The following SNX13 variants were observed in gnomAD, a reference collection of about 807,000 sequenced individuals.
SNX13 encodes sorting nexin 13, also known as sorting nexin-13.
In SNX13, 45 loss-of-function variants were observed where a neutral mutation model predicts 133.6. The ratio of observed to expected loss-of-function variants is 0.34; its 90% confidence interval spans 0.27 to 0.43. The LOEUF is 0.43. SNX13 is among the 20% of genes least tolerant of loss of function. The pLI is 1.00. For missense variants in SNX13, 1,032 were observed against 1,145.1 expected (o/e 0.90, Z 1.43); for synonymous variants, 414 against 373.9 (o/e 1.11, Z -1.24).
intron 16 of SNX13, among the ~76,000 whole-genome samples, chr7:17,827,950 T>G (rs1788089103): frequency 6.6e-6 from 1 of 151,754 alleles, no homozygotes; most frequent in Non-Finnish European, 1.5e-5. Flanking sequence ...ACAGGTAACA[T>G]AAAATAATCT....
chr7:17,847,222 C>G (rs145279825), intron 11 of SNX13, among the ~76,000 whole-genome samples: 137 of 124,730 alleles, frequency 1.1e-3, no homozygotes, highest in African/African-American at 5.1e-3. Flanking sequence ...ATAAAGTTAA[C>G]CAAAACAAAG....
chr7:17,901,395 CCTT>C (rs1583692661), intron 1 of SNX13, among the ~76,000 whole-genome samples: 1 of 152,138 alleles, frequency 6.6e-6, no homozygotes, highest in Non-Finnish European at 1.5e-5. Flanking sequence ...GAATTGCACT[CCTT>C]GTGGCCTAGC....
At chr7:17,847,772 C>T (rs1264272903) in intron 11 of SNX13, among the ~76,000 whole-genome samples, 1 of 152,182 alleles carries the variant, frequency 6.6e-6, no homozygotes, top group African/African-American at 2.4e-5. Flanking sequence ...TTCTCCACTA[C>T]TCCACAAAAA....
intron 22 of SNX13, among the ~76,000 whole-genome samples, chr7:17,800,547 GT>G (rs1784504521): frequency 6.6e-6 from 1 of 151,728 alleles, no homozygotes; most frequent in Non-Finnish European, 1.5e-5. Context: ...AACAAAAAAT[GT>G]TTTTAAAGAA....
At chr7:17,903,603 C>T (rs1798085153) in intron 1 of SNX13, among the ~76,000 whole-genome samples, 1 of 152,118 alleles carries the variant, frequency 6.6e-6, no homozygotes, top group Non-Finnish European at 1.5e-5. Context: ...TCAATTTTGG[C>T]TTAATCACTA....
At chr7:17,898,645 T>C (rs1797485497) in intron 1 of SNX13, among the ~76,000 whole-genome samples, 1 of 152,112 alleles carries the variant, frequency 6.6e-6, no homozygotes, top group South Asian at 2.1e-4. Context: ...TAAGTAAATA[T>C]ATAGTTATAT....
chr7:17,901,604 A>G (rs1172362236), intron 1 of SNX13, among the ~76,000 whole-genome samples: 2 of 152,116 alleles, frequency 1.3e-5, no homozygotes, highest in Non-Finnish European at 2.9e-5. Flanking sequence ...GTTCCAATGC[A>G]AAGTCCCATA....
chr7:17,908,073 C>G (rs1798583259), intron 1 of SNX13, among the ~76,000 whole-genome samples: 1 of 152,144 alleles, frequency 6.6e-6, no homozygotes, highest in Non-Finnish European at 1.5e-5. Context: ...TAAATTCATT[C>G]AAGATCCCAA....
At chr7:17,871,209 G>C (rs1340467594) in intron 8 of SNX13, among the ~76,000 whole-genome samples, 1 of 152,078 alleles carries the variant, frequency 6.6e-6, no homozygotes, top group Non-Finnish European at 1.5e-5. Context: ...GTTTCACCGT[G>C]TTAGCCAGGA....
At chr7:17,834,901 T>C (rs1320029569) in intron 13 of SNX13, 36 bp from the exon 14 acceptor site, 1 of 1,224,912 alleles carries the variant, frequency 8.2e-7, no homozygotes. Flanking sequence ...ATCTCTGTAA[T>C]TTCTTAATAC....
At chr7:17,817,928 G>A (rs1786846719) in intron 18 of SNX13, among the ~76,000 whole-genome samples, 1 of 152,110 alleles carries the variant, frequency 6.6e-6, no homozygotes, top group South Asian at 2.1e-4. Flanking sequence ...CTAACATTCA[G>A]TGCCGCAGAC....
At chr7:17,929,798 A>C (rs1801186457) in intron 1 of SNX13, among the ~76,000 whole-genome samples, 1 of 152,234 alleles carries the variant, frequency 6.6e-6, no homozygotes, top group African/African-American at 2.4e-5. Context: ...ATCAATTCAT[A>C]TTACACAGGT....
rs1233687586 is a variant in SNX13 at position 17,794,074 on chromosome 7, T to A, written c.2845A>T (p.Thr949Ser). The A allele has an allele frequency of 1.2e-5, 20 of 1,611,416 alleles. No individual in the cohort carries two copies. Among genetic ancestry groups the A allele is most frequent in the Non-Finnish European group, 1.7e-5 (20 of 1,178,236 alleles). The change falls in exon 26 of 26, where the codon ACT becomes TCT. Residue 949 changes from threonine (T) to serine (S), a missense_variant. Coordinates refer to ENST00000428135, the MANE Select transcript of SNX13 (RefSeq NM_015132.5). ...MQKYKQKLQTTQAPSLQKR is the reference protein window; with the variant it reads ...MQKYKQKLQTSQAPSLQKR The stretch of plus-strand genomic sequence containing the variant: ...CTTTTCTGCAAAGAAGGCGCTTGAG[T>A]AGTTTGAAGTTTCTGTTTATATTTC...
Position 17,839,852 on chromosome 7 carries a change from T to A in SNX13, c.1314A>T (p.Leu438Phe). The stretch of plus-strand genomic sequence containing the variant: ...CATAAATTCCAACAGCAGCTGCTCT[T>A]AAAAGACCTTTGGTTTGGTTGGTTT... ...KHQTNQTKGL[L>F]RAAAVGIYEQ... Residue 438 changes from leucine (L) to phenylalanine (F), a missense_variant, in exon 13 of 26, where the codon TTA becomes TTT. Leu to Phe is a conservative substitution (Grantham distance 22, BLOSUM62 0). Transcript: ENST00000428135. 6.2e-7 allele frequency: 1 copy of A among 1,611,360 alleles called. No individual in the cohort carries two copies. Among genetic ancestry groups the A allele is most frequent in the Non-Finnish European group, 8.5e-7 (1 of 1,178,316 alleles).
chr7:17,913,562 C>T (rs527436886), intron 1 of SNX13, among the ~76,000 whole-genome samples: 2 of 152,180 alleles, frequency 1.3e-5, no homozygotes, highest in Admixed American at 6.5e-5. Flanking sequence ...AAATATGTTG[C>T]TACAATAAAC....
intron 5 of SNX13, among the ~76,000 whole-genome samples, chr7:17,887,989 A>C (rs1471631256): frequency 6.6e-6 from 1 of 152,170 alleles, no homozygotes; most frequent in Non-Finnish European, 1.5e-5. Context: ...CAGACAGCAC[A>C]GAATAAGGCT....
intron 11 of SNX13, among the ~76,000 whole-genome samples, chr7:17,849,844 G>T (rs1790997174): frequency 6.6e-6 from 1 of 152,144 alleles, no homozygotes; most frequent in African/African-American, 2.4e-5. Flanking sequence ...AAGTGTCATC[G>T]AACCTCTTGG....
chr7:17,794,355 A>AT, intron 25 of SNX13, 63 bp from the exon 26 acceptor site: 1 of 1,531,500 alleles, frequency 6.5e-7, no homozygotes. Flanking sequence ...TAAACTCTTA[A>AT]ATGTTCTTAA....
chr7:17,840,681 C>G (rs1308918110), intron 12 of SNX13, among the ~76,000 whole-genome samples: 1 of 152,010 alleles, frequency 6.6e-6, no homozygotes, highest in African/African-American at 2.4e-5. Flanking sequence ...AGCTCTACCT[C>G]CATGGTTTCT....
Sources: allele counts gnomAD v4.1 joint callset (sites outside exome capture counted in the v4.1 genomes callset), GRCh38; gene constraint gnomAD v4.1.1; transcripts MANE v1.5; gene names NCBI Gene and HGNC (gene_info 2026-07-23, HGNC 2026-07-21).